The following USP34 variants were observed in gnomAD, a reference collection of about 807,000 sequenced individuals.
USP34 encodes ubiquitin carboxyl-terminal hydrolase 34.
USP34 carries 70 observed loss-of-function variants against 460.3 expected under a neutral mutation model. The observed-to-expected ratio is 0.15, with a 90% CI of 0.13 to 0.19. The LOEUF (loss-of-function observed/expected upper bound fraction) is 0.19. USP34 is among the 10% of genes least tolerant of loss of function. The pLI is 1.00. For missense variants in USP34, 3,985 were observed against 4,236.2 expected (o/e 0.94, Z 1.65); for synonymous variants, 1,647 against 1,405.3 (o/e 1.17, Z -3.85).
intron 1 of USP34, among the ~76,000 whole-genome samples, chr2:61,469,810 GATTTGCAATATA>G (rs1695893894): frequency 6.6e-6 from 1 of 152,148 alleles, no homozygotes; most frequent in Non-Finnish European, 1.5e-5. Context: ...AGAAGTAGTT[GATTTGCAATATA>G]TCTTCTATAA....
intron 58 of USP34, 78 bp from the exon 59 acceptor site, chr2:61,229,711 T>C: frequency 8.0e-7 from 1 of 1,248,894 alleles, no homozygotes. Flanking sequence ...TGATTCAAAA[T>C]TCTCTGCCAC....
chr2:61,470,935 G>A lies in USP34; in HGVS notation c.-243C>T, dbSNP rs1238061503. On this transcript the variant is annotated 5_prime_UTR_variant, in exon 1 of 80. Coordinates refer to ENST00000398571, the MANE Select transcript of USP34 (RefSeq NM_014709.4). ...GAGGTGCGCAGGCCGGAGGGGCGCC[G>A]AGGCGCCGGCGGCGGGGAAGGGGGG... Among the ~76,000 whole-genome samples the A allele has an allele frequency of 7.4e-6, 1 of 135,458 alleles. No homozygotes were observed. The highest frequency in any genetic ancestry group is 1.6e-5 in the Non-Finnish European group (1 of 61,652). 88.9% of individuals were successfully genotyped at this position (135,458 alleles called of 152,430 possible).
At chr2:61,374,235 C>G (rs538063277) in intron 8 of USP34, among the ~76,000 whole-genome samples, 1 of 151,810 alleles carries the variant, frequency 6.6e-6, no homozygotes, top group Non-Finnish European at 1.5e-5. Flanking sequence ...AACCCTTATG[C>G]CTAAACAAGT....
chr2:61,262,413 C>T (rs916245427), intron 43 of USP34, among the ~76,000 whole-genome samples: 3 of 152,160 alleles, frequency 2.0e-5, no homozygotes, highest in Non-Finnish European at 2.9e-5. Flanking sequence ...TTAGCTCCCA[C>T]TTATAAGTGA....
At chr2:61,311,079 A>G (rs577522394) in intron 27 of USP34, among the ~76,000 whole-genome samples, 2 of 152,320 alleles carry the variant, frequency 1.3e-5, no homozygotes, top group East Asian at 3.9e-4. Flanking sequence ...TTCAAAGTAA[A>G]GGTTCAAAGT....
chr2:61,190,122 C>T (rs1361834509), intron 78 of USP34, 149 bp downstream of exon 78: 18 of 994,900 alleles, frequency 1.8e-5, no homozygotes, highest in East Asian at 2.5e-5. Flanking sequence ...GCATAGTAAA[C>T]GTGTATTTAA....
chr2:61,255,647 TC>T (rs1352660720), intron 48 of USP34, among the ~76,000 whole-genome samples: 1 of 152,218 alleles, frequency 6.6e-6, no homozygotes, highest in Non-Finnish European at 1.5e-5. Context: ...GTACAAAAAG[TC>T]CCTAGTTAGC....
At chr2:61,242,224 A>C (rs191055340) in intron 51 of USP34, among the ~76,000 whole-genome samples, 1 of 152,328 alleles carries the variant, frequency 6.6e-6, no homozygotes, top group East Asian at 1.9e-4. Context: ...AAAGCATATT[A>C]TTAAAATATC....
chr2:61,455,400 A>C (rs943487166), intron 1 of USP34, among the ~76,000 whole-genome samples: 1 of 151,866 alleles, frequency 6.6e-6, no homozygotes, highest in African/African-American at 2.4e-5. Context: ...CTGGTCTCGA[A>C]CTCCTGAGCT....
At position 61,378,418 on chromosome 2, in the gene USP34, G is replaced by A. The variant is rs1692860331; in HGVS notation, c.1021C>T (p.Leu341Phe). The A allele has an allele frequency of 1.3e-6, 2 of 1,586,812 alleles. No homozygotes were observed. Among genetic ancestry groups the A allele is most frequent in the East Asian group, 4.5e-5 (2 of 44,016 alleles). The change falls in exon 8 of 80, where the codon CTC becomes TTC. Residue 341 changes from leucine to phenylalanine, a missense_variant. This residue lies in a region of USP34 where 716 missense variants were observed against 626.2 expected (regional missense o/e 1.14). Transcript: ENST00000398571. ...LAGLSQITNQ[L>F]HTFNDVCNNE... ...TTGCACACATCATTGAAGGTATGGA[G>A]TTGATTCTATGATTAAAGACAAGAA...
chr2:61,424,649 G>A (rs1452530250), intron 1 of USP34, among the ~76,000 whole-genome samples: 1 of 152,144 alleles, frequency 6.6e-6, no homozygotes, highest in East Asian at 1.9e-4. Context: ...GCCAAGGCAA[G>A]AGGATCACTT....
At chr2:61,392,253 T>C (rs1484730844) in intron 5 of USP34, among the ~76,000 whole-genome samples, 1 of 152,104 alleles carries the variant, frequency 6.6e-6, no homozygotes, top group Non-Finnish European at 1.5e-5. Flanking sequence ...GGAGGTTTGC[T>C]TGAGCCTGGG....
At chr2:61,416,837 A>C (rs1477570366) in intron 2 of USP34, 4 of 351,278 alleles carry the variant, frequency 1.1e-5, no homozygotes, top group Admixed American at 4.9e-5. Context: ...GGGGGACAGG[A>C]AGTAGAATGT....
chr2:61,249,494 T>C lies in USP34; in HGVS notation c.6222-811A>G, dbSNP rs183201614. Reference sequence around the variant, plus strand: ...TTTTCTATGTAATATTTTCAGACCTTGCCTGTCTGCAGGTAACAAACTGCA... The same window carrying C: ...TTTTCTATGTAATATTTTCAGACCTCGCCTGTCTGCAGGTAACAAACTGCA... On this transcript the variant is annotated intron_variant, in intron 48 of 79. Coordinates refer to ENST00000398571, the MANE Select transcript of USP34 (RefSeq NM_014709.4). Among the ~76,000 whole-genome samples the C allele has an allele frequency of 2.4e-4, 37 of 152,344 alleles. No individual in the cohort carries two copies. In the East Asian group the frequency reaches 5.8e-3, roughly 24 times the overall value.
At chr2:61,438,351 G>A (rs182492124) in intron 1 of USP34, among the ~76,000 whole-genome samples, 21 of 152,154 alleles carry the variant, frequency 1.4e-4, no homozygotes, top group East Asian at 3.9e-4. Context: ...GTGGCTCAAC[G>A]CCTGTAATCC....
chr2:61,446,704 G>C (rs558943437), intron 1 of USP34, among the ~76,000 whole-genome samples: 43 of 151,578 alleles, frequency 2.8e-4, no homozygotes, highest in African/African-American at 9.4e-4. Flanking sequence ...GCTGAGGTGA[G>C]AGAATCCCTA....
At chr2:61,189,569 C>T (rs541204346) in intron 78 of USP34, 1 of 152,916 alleles carries the variant, frequency 6.5e-6, no homozygotes, top group Non-Finnish European at 1.5e-5. Flanking sequence ...GCCACCGTGC[C>T]CAGCCTCATT....
intron 3 of USP34, among the ~76,000 whole-genome samples, chr2:61,402,748 C>A (rs1693759395): frequency 1.3e-5 from 2 of 152,110 alleles, no homozygotes; most frequent in South Asian, 4.1e-4. Flanking sequence ...AAAGAAAAGA[C>A]TAGATGGACA....
At chr2:61,207,762 C>A (rs1003868276) in intron 70 of USP34, 1 of 152,186 alleles carries the variant, frequency 6.6e-6, no homozygotes, top group Non-Finnish European at 1.5e-5. Context: ...CTCCTCTTCA[C>A]CTACCTTTTT....
Sources: allele counts gnomAD v4.1 joint callset (sites outside exome capture counted in the v4.1 genomes callset), GRCh38; gene constraint gnomAD v4.1.1; regional missense constraint gnomAD v4.1.1; transcripts MANE v1.5; gene names NCBI Gene and HGNC (gene_info 2026-07-23, HGNC 2026-07-21).